TOPAZ1: variants seen among roughly 807,000 people sequenced by gnomAD.
TOPAZ1 encodes protein TOPAZ1.
Under a neutral mutation model 172.2 loss-of-function variants are expected in TOPAZ1, and 66 were observed. The observed-to-expected ratio is 0.38, with a 90% CI of 0.31 to 0.47. The LOEUF is 0.47. Among genes scored for constraint, TOPAZ1 ranks in the 20% least tolerant of loss-of-function variants. The probability of loss-of-function intolerance (pLI) is 0.99; values close to 1 mark genes in which losing one functional copy is unlikely to be tolerated. For synonymous variants in TOPAZ1, 681 were observed against 683.9 expected, an observed-to-expected ratio of 1.00 and a Z score of 0.07; for missense variants, 1,822 against 1,972.4, an observed-to-expected ratio of 0.92 and a Z score of 1.44.
intron 12 of TOPAZ1, among the ~76,000 whole-genome samples, chr3:44,300,999 G>A (rs1700266614): frequency 6.6e-6 from 1 of 152,066 alleles, no homozygotes; most frequent in South Asian, 2.1e-4. Flanking sequence ...AGGGAATTGT[G>A]TTGAATTTTA....
At chr3:44,269,454 T>C (rs1265159578) in intron 7 of TOPAZ1, among the ~76,000 whole-genome samples, 153 bp downstream of exon 7, 1 of 145,074 alleles carries the variant, frequency 6.9e-6, no homozygotes, top group Non-Finnish European at 1.5e-5. Flanking sequence ...GACCTTTTGA[T>C]TGTATTTCCC....
downstream of TOPAZ1, chr3:44,332,244 G>A (rs1700679213): frequency 2.1e-6 from 1 of 485,038 alleles, no homozygotes; most frequent in Non-Finnish European, 3.6e-6. Context: ...ACTAAGCATG[G>A]TAAATCCCAC....
chr3:44,321,701 G>A (rs534008909), intron 17 of TOPAZ1, among the ~76,000 whole-genome samples: 16 of 152,264 alleles, frequency 1.1e-4, no homozygotes, highest in Middle Eastern at 3.4e-3. Context: ...AGAGGATGAC[G>A]AAAACGTTAA....
intron 7 of TOPAZ1, 27 bp downstream of exon 7, chr3:44,269,328 A>T: frequency 7.3e-7 from 1 of 1,369,472 alleles, no homozygotes; most frequent in Non-Finnish European, 1.0e-6. Context: ...AAATAATAAT[A>T]ATCTGTCTCT....
At chr3:44,299,806 C>CATGG (rs1304875333) in intron 12 of TOPAZ1, among the ~76,000 whole-genome samples, 1 of 149,230 alleles carries the variant, frequency 6.7e-6, no homozygotes, top group Non-Finnish European at 1.5e-5. Flanking sequence ...TTTGTAGGGA[C>CATGG]ATGGATGAAA....
intron 4 of TOPAZ1, among the ~76,000 whole-genome samples, chr3:44,260,473 T>C (rs1238534853): frequency 6.6e-6 from 1 of 152,106 alleles, no homozygotes; most frequent in African/African-American, 2.4e-5. Flanking sequence ...GAGAAACCCT[T>C]CCCCATCTCA....
At chr3:44,262,280 G>GAATTGTTT (rs1260844995) in intron 4 of TOPAZ1, 139 bp from the exon 5 acceptor site, 2 of 374,472 alleles carry the variant, frequency 5.3e-6, no homozygotes, top group East Asian at 8.0e-5. Context: ...ATGTAGAGTA[G>GAATTGTTT]AATTGTTTTT....
intron 15 of TOPAZ1, among the ~76,000 whole-genome samples, chr3:44,307,371 T>C (rs1700347569): frequency 6.6e-6 from 1 of 152,090 alleles, no homozygotes; most frequent in Non-Finnish European, 1.5e-5. Context: ...TAACAGAACT[T>C]CATAAAAATC....
intron 5 of TOPAZ1, among the ~76,000 whole-genome samples, chr3:44,265,841 T>A (rs1699824363): frequency 6.6e-6 from 1 of 152,214 alleles, no homozygotes; most frequent in South Asian, 2.1e-4. Context: ...CCAGCTACAT[T>A]ATCCCTTAAC....
At position 44,242,416 on chromosome 3, in the gene TOPAZ1, G is replaced by T; in HGVS notation, c.346+17G>T. On this transcript the variant is annotated intron_variant, in intron 1 of 19. Coordinates refer to ENST00000309765, the MANE Select transcript of TOPAZ1 (RefSeq NM_001145030.2). Reference sequence around the variant, plus strand: ...AAAGACACAGTAAGAAAGCATCCACGATCACTTACCTTTAGCCCTTGTACC... The same window carrying T: ...AAAGACACAGTAAGAAAGCATCCACTATCACTTACCTTTAGCCCTTGTACC... The T allele has an allele frequency of 6.4e-7, 1 of 1,551,704 alleles. No homozygotes were observed. The highest frequency in any genetic ancestry group is 2.4e-5 in the East Asian group (1 of 40,908).
intron 17 of TOPAZ1, among the ~76,000 whole-genome samples, chr3:44,322,719 C>T (rs1436186488): frequency 6.6e-6 from 1 of 151,982 alleles, no homozygotes; most frequent in African/African-American, 2.4e-5. Context: ...CCCAGGAATT[C>T]GAAACTAGTC....
intron 12 of TOPAZ1, among the ~76,000 whole-genome samples, chr3:44,302,327 G>A (rs897960735): frequency 6.6e-5 from 10 of 152,082 alleles, no homozygotes; most frequent in African/African-American, 2.2e-4. Flanking sequence ...GGAGAATGGC[G>A]TGAACCCAGA....
chr3:44,269,331 C>A lies in TOPAZ1; in HGVS notation c.3246+30C>A, dbSNP rs765660181. The A allele has an allele frequency of 2.3e-6, 3 of 1,326,838 alleles. No individual in the cohort carries two copies. In the South Asian group the frequency reaches 3.8e-5, roughly 17 times the overall value. The allele number at this position is 1,326,838 out of a possible 1,614,324, so 82.2% of individuals were successfully genotyped here. ...GTCTACTTTAAAAAATAATAATAAT[C>A]TGTCTCTTTCTCCTCCCCCTCCTCC... is the stretch of plus-strand genomic sequence containing the variant. On this transcript the variant is annotated intron_variant, in intron 7 of 19. Coordinates refer to ENST00000309765, the MANE Select transcript of TOPAZ1 (RefSeq NM_001145030.2).
At chr3:44,270,527 ATTGT>A (rs1459459071) in intron 7 of TOPAZ1, among the ~76,000 whole-genome samples, 154 bp from the exon 8 acceptor site, 2 of 152,228 alleles carry the variant, frequency 1.3e-5, no homozygotes, top group African/African-American at 2.4e-5. Flanking sequence ...GAAAATATAA[ATTGT>A]TTGAAGTTTT....
rs548825065 is a variant in TOPAZ1, at chr3:44,285,868, G to A, written c.3437-1521G>A. 1.3e-3 allele frequency among the ~76,000 whole-genome samples: 199 copies of A among 151,694 alleles called. 1 individual carries two copies. The highest frequency in any genetic ancestry group is 6.4e-3 in the Admixed American group (98 of 15,244). ...CAGGTGCGAGCCACCACGCCTGGCC[G>A]AGAGGATCATTATTTTCAATGCAGA... On this transcript the variant is annotated intron_variant, in intron 9 of 19. Coordinates refer to ENST00000309765, the MANE Select transcript of TOPAZ1 (RefSeq NM_001145030.2).
Position 44,244,289 on chromosome 3 carries a change from A to G in TOPAZ1, c.1783A>G (p.Lys595Glu). The change falls in exon 2 of 20, where the codon AAG becomes GAG. Residue 595 changes from lysine (K) to glutamate (E), a missense_variant. Coordinates refer to ENST00000309765, the MANE Select transcript of TOPAZ1 (RefSeq NM_001145030.2). ...GGAACCTATAATCAAGGATGATAAA[A>G]AGATAAAATCAGAGGAACTGAGCAG... is the stretch of plus-strand genomic sequence containing the variant. ...IKEPIIKDDK[K>E]IKSEELSRRG... is the part of the protein sequence containing the mutation. 6.4e-7 allele frequency: 1 copy of G among 1,550,784 alleles called. No homozygotes were observed. The highest frequency in any genetic ancestry group is 8.7e-7 in the Non-Finnish European group (1 of 1,146,776).
At chr3:44,252,333 G>A (rs543955367) in intron 2 of TOPAZ1, among the ~76,000 whole-genome samples, 100 of 152,176 alleles carry the variant, frequency 6.6e-4, no homozygotes, top group African/African-American at 2.4e-3. Context: ...CTAAATTATT[G>A]TAATGAGCTC....
chr3:44,332,311 A>T (rs1324232114), downstream of TOPAZ1, among the ~76,000 whole-genome samples: 1 of 152,158 alleles, frequency 6.6e-6, no homozygotes, highest in Non-Finnish European at 1.5e-5. Flanking sequence ...GGGAGACATA[A>T]TAGGGAAAAT....
chr3:44,306,020 T>C (rs1040645196), intron 14 of TOPAZ1, among the ~76,000 whole-genome samples: 2 of 152,276 alleles, frequency 1.3e-5, no homozygotes, highest in African/African-American at 4.8e-5. Flanking sequence ...GTTTTGTTTT[T>C]GACCTGAGCT....
Sources: allele counts gnomAD v4.1 joint callset (sites outside exome capture counted in the v4.1 genomes callset), GRCh38; gene constraint gnomAD v4.1.1; transcripts MANE v1.5; gene names NCBI Gene and HGNC (gene_info 2026-07-23, HGNC 2026-07-21).